The following LRRTM4 variants were observed in gnomAD, a reference collection of about 807,000 sequenced individuals.
LRRTM4 encodes leucine rich repeat transmembrane neuronal 4.
In LRRTM4, 25 loss-of-function variants were observed where a neutral mutation model predicts 47.6. The observed-to-expected ratio is 0.53, with a 90% confidence interval of 0.38 to 0.73. LRRTM4 has a LOEUF of 0.73. Ranked by LOEUF, LRRTM4 falls within the 30% of genes least tolerant of loss-of-function variation. LRRTM4 has a pLI of 0.00. For missense variants in LRRTM4, 638 were observed against 713.4 expected (o/e 0.89, Z 1.20); for synonymous variants, 311 against 269.5 (o/e 1.15, Z -1.51).
intron 3 of LRRTM4, among the ~76,000 whole-genome samples, chr2:76,763,410 C>T (rs1673333374): frequency 6.6e-6 from 1 of 152,200 alleles, no homozygotes. Context: ...ACAGAGAGCT[C>T]TCTCTCTGTA....
intron 3 of LRRTM4, among the ~76,000 whole-genome samples, chr2:77,512,642 G>A (rs577186693): frequency 6.6e-6 from 1 of 152,190 alleles, no homozygotes; most frequent in East Asian, 1.9e-4. Context: ...CAAGTCCCCA[G>A]TGAAAATATT....
Position 76,929,055 on chromosome 2 carries a change from G to T in LRRTM4, c.1552-180139C>A, listed in dbSNP as rs537591014. 3.3e-5 allele frequency among the ~76,000 whole-genome samples: 5 copies of T among 152,148 alleles called. 1 individual carries two copies. The highest frequency in any genetic ancestry group is 1.2e-4 in the African/African-American group (5 of 41,496). The stretch of plus-strand genomic sequence containing the variant: ...AACATAGGTTTAACTTACTACTACT[G>T]GAGTTATCTTACTACAACATTACTA... On this transcript the variant is annotated intron_variant, in intron 3 of 3. Coordinates refer to ENST00000409884, the MANE Select transcript of LRRTM4 (RefSeq NM_001134745.3).
rs544473845 is a variant in LRRTM4 at position 77,022,432 on chromosome 2, G to C, written c.1552-273516C>G. 3.2e-4 allele frequency among the ~76,000 whole-genome samples: 49 copies of C among 152,136 alleles called. 1 individual carries two copies. The highest frequency in any genetic ancestry group is 2.6e-3 in the Admixed American group (40 of 15,294). ...AATGCCTTCCCATCAGTCCCCCAAA[G>C]TCTTAACTCATTTCAGCATTAACCC... On this transcript the variant is annotated intron_variant, in intron 3 of 3. Coordinates refer to ENST00000409884, the MANE Select transcript of LRRTM4 (RefSeq NM_001134745.3).
chr2:76,954,642 G>A (rs959427736), intron 3 of LRRTM4, among the ~76,000 whole-genome samples: 3 of 151,812 alleles, frequency 2.0e-5, no homozygotes, highest in South Asian at 2.1e-4. Flanking sequence ...ATTGGCTAAC[G>A]TGGTCTGAAA....
rs192046547 is a variant in LRRTM4 at position 76,796,008 on chromosome 2, G to A, written c.1552-47092C>T. Among the ~76,000 whole-genome samples the A allele has an allele frequency of 1.7e-3, 244 of 140,252 alleles. 4 individuals carry two copies. The highest frequency in any genetic ancestry group is 4.5e-3 in the Admixed American group (64 of 14,218). 92.0% of individuals were successfully genotyped at this position (140,252 alleles called of 152,430 possible). The stretch of plus-strand genomic sequence containing the variant: ...CGAGGCATTGCCTCACTTGGGAAGC[G>A]CAAGGGGTCACGGAGTTCCCTTTCT... On this transcript the variant is annotated intron_variant, in intron 3 of 3. Transcript: ENST00000409884.
chr2:77,326,278 A>C (rs1670770772), intron 3 of LRRTM4, among the ~76,000 whole-genome samples: 1 of 152,244 alleles, frequency 6.6e-6, no homozygotes. Context: ...CTTGTATGAA[A>C]TAAATGTATC....
At chr2:77,287,192 C>G (rs1475022865) in intron 3 of LRRTM4, among the ~76,000 whole-genome samples, 1 of 151,856 alleles carries the variant, frequency 6.6e-6, no homozygotes, top group Non-Finnish European at 1.5e-5. Flanking sequence ...ACAAGCAGAA[C>G]AGGAGGGGTA....
intron 3 of LRRTM4, among the ~76,000 whole-genome samples, chr2:77,336,954 C>T (rs1252783996): frequency 3.3e-5 from 5 of 152,038 alleles, no homozygotes; most frequent in African/African-American, 7.2e-5. Flanking sequence ...TGGTATGATA[C>T]TAGACATAGA....
intron 3 of LRRTM4, among the ~76,000 whole-genome samples, chr2:76,927,734 T>A (rs1424417447): frequency 6.6e-6 from 1 of 152,136 alleles, no homozygotes; most frequent in Non-Finnish European, 1.5e-5. Flanking sequence ...AAATTCAACC[T>A]GATGTTTGAT....
intron 3 of LRRTM4, among the ~76,000 whole-genome samples, chr2:77,503,044 G>A (rs1013528664): frequency 2.1e-5 from 3 of 142,588 alleles, no homozygotes; most frequent in Non-Finnish European, 4.7e-5. Flanking sequence ...GTCATTCAGG[G>A]TTTTTTTTTT....
chr2:77,150,886 G>C (rs923964180), intron 3 of LRRTM4, among the ~76,000 whole-genome samples: 8 of 151,952 alleles, frequency 5.3e-5, no homozygotes, highest in Middle Eastern at 3.4e-3. Flanking sequence ...TTTATTTGTT[G>C]GTGTATTTCT....
At chr2:77,254,000 G>A (rs1675694399) in intron 3 of LRRTM4, among the ~76,000 whole-genome samples, 1 of 152,058 alleles carries the variant, frequency 6.6e-6, no homozygotes, top group South Asian at 2.1e-4. Context: ...ACAAATTCAA[G>A]AAGAGCAAAT....
At chr2:76,860,599 C>T (rs1672285499) in intron 3 of LRRTM4, among the ~76,000 whole-genome samples, 1 of 151,866 alleles carries the variant, frequency 6.6e-6, no homozygotes, top group Non-Finnish European at 1.5e-5. Context: ...TATAGGCTCA[C>T]TTAGGAGACC....
At position 76,971,866 on chromosome 2, in the gene LRRTM4, C is replaced by T. The variant is rs542006213; in HGVS notation, c.1552-222950G>A. 2.0e-4 allele frequency among the ~76,000 whole-genome samples: 30 copies of T among 151,928 alleles called. No homozygotes were observed. The South Asian group carries it at 3.1e-3, about 16-fold the overall frequency. Reference sequence around the variant, plus strand: ...ACAAAACATAGAACAACATCTATAACGTTTAAATTGTAATAAAAACTTTTT... The same window carrying T: ...ACAAAACATAGAACAACATCTATAATGTTTAAATTGTAATAAAAACTTTTT... On this transcript the variant is annotated intron_variant, in intron 3 of 3. Transcript: ENST00000409884.
At chr2:77,156,642 T>C (rs549189965) in intron 3 of LRRTM4, among the ~76,000 whole-genome samples, 1 of 151,706 alleles carries the variant, frequency 6.6e-6, no homozygotes, top group African/African-American at 2.4e-5. Context: ...ACAAATGCAT[T>C]TGAACATGAA....
At chr2:76,821,599 T>C (rs776914894) in intron 3 of LRRTM4, among the ~76,000 whole-genome samples, 8 of 151,566 alleles carry the variant, frequency 5.3e-5, no homozygotes, top group African/African-American at 1.9e-4. Context: ...CAGGGTAAAA[T>C]AAAAATAACC....
chr2:76,801,703 A>T (rs1291604975), intron 3 of LRRTM4, among the ~76,000 whole-genome samples: 1 of 152,132 alleles, frequency 6.6e-6, no homozygotes, highest in South Asian at 2.1e-4. Flanking sequence ...TCCCTGGTGA[A>T]CATGTATGAA....
chr2:76,940,138 G>T (rs1044936131), intron 3 of LRRTM4, among the ~76,000 whole-genome samples: 1 of 151,388 alleles, frequency 6.6e-6, no homozygotes, highest in African/African-American at 2.4e-5. Flanking sequence ...CCCACTACTG[G>T]GTATATACCT....
At chr2:76,789,116 C>G (rs1674833833) in intron 3 of LRRTM4, among the ~76,000 whole-genome samples, 1 of 152,062 alleles carries the variant, frequency 6.6e-6, no homozygotes, top group Non-Finnish European at 1.5e-5. Context: ...ATGCTAAGTT[C>G]CAGCCCACGC....
Sources: gnomAD v4.1 joint callset for allele counts (sites outside exome capture counted in the v4.1 genomes callset) on GRCh38, gnomAD v4.1.1 for gene constraint, MANE v1.5 for transcripts, NCBI Gene and HGNC (gene_info 2026-07-23, HGNC 2026-07-21) for gene names.